Variants in XKRX observed in about 807,000 individuals in gnomAD.
The protein encoded by XKRX is XK related X-linked.
A neutral mutation model predicts 22.4 loss-of-function variants in XKRX; 11 were observed. That is an observed-to-expected ratio of 0.49 (90% CI 0.31 to 0.81). XKRX has a LOEUF of 0.81. Ranked by LOEUF, XKRX falls within the 40% of genes least tolerant of loss-of-function variation. The pLI is 0.05. For missense variants in XKRX, 320 were observed against 336.5 expected (o/e 0.95, Z 0.38); for synonymous variants, 114 against 132.2 (o/e 0.86, Z 0.94).
At chrX:100,931,024 C>T (rs1455089223), upstream of XKRX, among the ~76,000 whole-genome samples, 13 of 109,034 alleles carry the variant, frequency 1.2e-4, no homozygotes, top group Non-Finnish European at 2.3e-4. Flanking sequence ...CCCAGCTACT[C>T]GGGAGGCTGA....
At chrX:100,917,665 GAAAGAAAGA>G (rs1205603483) in intron 2 of XKRX, among the ~76,000 whole-genome samples, 5 of 47,287 alleles carry the variant, frequency 1.1e-4, no homozygotes, top group Non-Finnish European at 1.5e-4. Flanking sequence ...AAGAAAGAAA[GAAAGAAAGA>G]AAAGAAAGAA....
At chrX:100,909,126 G>A (rs181577794), downstream of XKRX, among the ~76,000 whole-genome samples, 3 of 111,990 alleles carry the variant, frequency 2.7e-5, no homozygotes, top group East Asian at 2.8e-4. Context: ...CCACAACCAC[G>A]GTTTGAAAGG....
chrX:100,932,702 C>A (rs1189045190), upstream of XKRX, among the ~76,000 whole-genome samples: 1 of 112,114 alleles, frequency 8.9e-6, no homozygotes, highest in African/African-American at 3.2e-5. Flanking sequence ...GCGTGGCATC[C>A]ATGAGGAAAG....
At chrX:100,911,042 G>A, downstream of XKRX, 1 of 556,229 alleles carries the variant, frequency 1.8e-6, no homozygotes, top group South Asian at 2.4e-5. Flanking sequence ...GAAACGAAAA[G>A]AGAAGGTGGG....
At chrX:100,936,993 CTTT>C in the XKRX span, among the ~76,000 whole-genome samples, 7 of 95,519 alleles carry the variant, frequency 7.3e-5, no homozygotes, top group Admixed American at 3.5e-4. Context: ...CTAACACAGC[CTTT>C]TTTTTTTTTT....
chrX:100,911,908 G>A (rs1337410236), downstream of XKRX, among the ~76,000 whole-genome samples: 1 of 111,715 alleles, frequency 9.0e-6, no homozygotes, highest in Non-Finnish European at 1.9e-5. Flanking sequence ...TGCATTCCCA[G>A]GATGTTAAGT....
At chrX:100,923,535 A>G (rs1342934321) in intron 1 of XKRX, among the ~76,000 whole-genome samples, 1 of 112,089 alleles carries the variant, frequency 8.9e-6, no homozygotes, top group Non-Finnish European at 1.9e-5. Flanking sequence ...CATGCCTTCT[A>G]CAAGTTACAT....
intron 2 of XKRX, among the ~76,000 whole-genome samples, chrX:100,917,673 GA>G (rs368390706): frequency 0.15 from 3,516 of 22,786 alleles, 108 homozygotes; most frequent in African/African-American, 0.17. Context: ...AAGAAAGAAA[GA>G]AAAGAAAGAA....
chrX:100,888,435 G>A, the XKRX span: 13 of 998,098 alleles, frequency 1.3e-5, no homozygotes, highest in East Asian at 1.8e-4. Flanking sequence ...CCCCTGGAGC[G>A]CTTGGTGTTT....
chrX:100,903,041 A>C, the XKRX span, among the ~76,000 whole-genome samples: 1 of 108,665 alleles, frequency 9.2e-6, no homozygotes, highest in African/African-American at 3.4e-5. Flanking sequence ...GAGCCACCGC[A>C]CCTGGCCAAG....
Position 100,922,844 on chromosome X carries a change from T to A in XKRX, c.553A>T (p.Thr185Ser). The change falls in exon 2 of 3, where the codon ACC becomes TCC. Residue 185 changes from threonine (T) to serine (S), a missense_variant. Transcript: ENST00000372956. ...ATCAGGCTCACATAGAGCTGATAGG[T>A]CAGCTGGGGCACTGAGCCCAGGAAG... ...QAFLGSVPQL[T>S]YQLYVSLISA... 1 of 1,211,187 alleles carries A rather than the reference T, an allele frequency of 8.3e-7. No individual in the cohort carries two copies. Among genetic ancestry groups the A allele is most frequent in the Non-Finnish European group, 1.1e-6 (1 of 895,395 alleles).
chrX:100,928,284 A>C lies in XKRX; in HGVS notation c.21T>G (p.Ile7Met). 1 of 1,210,754 alleles carries C rather than the reference A, an allele frequency of 8.3e-7. No homozygotes were observed. Among genetic ancestry groups the C allele is most frequent in the Non-Finnish European group, 1.1e-6 (1 of 895,240 alleles). The change falls in exon 1 of 3, where the codon ATT becomes ATG. Residue 7 changes from isoleucine (I) to methionine (M), a missense_variant. Coordinates refer to ENST00000372956, the MANE Select transcript of XKRX (RefSeq NM_212559.3). MDRVYEIPEEPNVDPVS... is the reference protein window; with the variant it reads MDRVYEMPEEPNVDPVS... Reference sequence around the variant, plus strand: ...CCGGATCCACATTTGGCTCCTCAGGAATTTCATAAACTCTGTCCATTGTCG... The same window carrying C: ...CCGGATCCACATTTGGCTCCTCAGGCATTTCATAAACTCTGTCCATTGTCG...
In XKRX at chrX:100,914,226, AG is replaced by A. The variant is rs2085419530; in HGVS notation, c.*111del. 1 of 919,994 alleles carries A rather than the reference AG, an allele frequency of 1.1e-6. No individual in the cohort carries two copies. The highest frequency in any genetic ancestry group is 1.5e-6 in the Non-Finnish European group (1 of 664,621). The allele number at this position is 919,994 out of a possible 1,213,427, so 75.8% of individuals were successfully genotyped here. ...TTTCTTCTGATAGGCTTAACAGAAA[AG>A]TCAAGAAAATGTACTGATGGGTATC... is the stretch of plus-strand genomic sequence containing the variant. On this transcript the variant is annotated 3_prime_UTR_variant, in exon 3 of 3. Transcript: ENST00000372956.
chrX:100,928,824 AAG>A lies in XKRX; in HGVS notation c.-522_-521del, dbSNP rs1212512950. 73 of 754,844 alleles carry A rather than the reference AAG, an allele frequency of 9.7e-5. No individual in the cohort carries two copies. Among genetic ancestry groups the A allele is most frequent in the Non-Finnish European group, 1.0e-4 (66 of 640,896 alleles). 62.2% of individuals were successfully genotyped at this position (754,844 alleles called of 1,213,427 possible). A position where few individuals can be genotyped will look rare whatever the true frequency, so the allele number is the denominator to read the frequency against. On this transcript the variant is annotated 5_prime_UTR_variant, in exon 1 of 3. Coordinates refer to ENST00000372956, the MANE Select transcript of XKRX (RefSeq NM_212559.3). ...AGCGGGCGCAGAAGAAGGAGGGCAG[AAG>A]AGGGGATTCAGTTCAGTGCCTAGGT...
the XKRX span, among the ~76,000 whole-genome samples, chrX:100,894,032 G>A: frequency 4.5e-5 from 5 of 111,278 alleles, no homozygotes; most frequent in Non-Finnish European, 9.4e-5. Flanking sequence ...CCTTTGGGAG[G>A]CCGAGGCAGG....
chrX:100,928,081 A>G lies in XKRX; in HGVS notation c.224T>C (p.Met75Thr). 1 of 1,211,954 alleles carries G rather than the reference A, an allele frequency of 8.3e-7. No individual in the cohort carries two copies. The highest frequency in any genetic ancestry group is 1.1e-6 in the Non-Finnish European group (1 of 895,564). ...CAACTGGACCATAATGGATGAAAACATAAAGAAAGAAAAGGTGTATGTCAT... is the reference window on the plus strand; with the variant it reads ...CAACTGGACCATAATGGATGAAAACGTAAAGAAAGAAAAGGTGTATGTCAT... ...YWMTYTFSFF[M>T]FSSIMVQLTL... is the part of the protein sequence containing the mutation. Residue 75 changes from methionine to threonine, a missense_variant, in exon 1 of 3, where the codon ATG (methionine) becomes ACG (threonine). Transcript: ENST00000372956.
chrX:100,890,475 C>T, the XKRX span, among the ~76,000 whole-genome samples: 2 of 109,081 alleles, frequency 1.8e-5, no homozygotes, highest in Non-Finnish European at 3.8e-5. Flanking sequence ...ACTTTTGCAC[C>T]AACCTAATAC....
chrX:100,911,711 C>A (rs1050362701), downstream of XKRX, among the ~76,000 whole-genome samples: 1 of 112,169 alleles, frequency 8.9e-6, no homozygotes, highest in South Asian at 3.8e-4. Flanking sequence ...AAGTTCCCTG[C>A]CCCACTACCA....
chrX:100,916,160 T>C (rs979901368), intron 2 of XKRX, among the ~76,000 whole-genome samples: 1 of 110,354 alleles, frequency 9.1e-6, no homozygotes, highest in East Asian at 2.9e-4. Flanking sequence ...ATTAGTTTGG[T>C]TGTGGTAATC....
Sources: allele counts gnomAD v4.1 joint callset (sites outside exome capture counted in the v4.1 genomes callset), GRCh38; gene constraint gnomAD v4.1.1; transcripts MANE v1.5; gene names NCBI Gene and HGNC (gene_info 2026-07-23, HGNC 2026-07-21).